The following TSHZ2 variants were observed in gnomAD, a reference collection of about 807,000 sequenced individuals.
TSHZ2 encodes teashirt zinc finger homeobox 2.
Under a neutral mutation model 74.4 loss-of-function variants are expected in TSHZ2, and 21 were observed. That is an observed-to-expected ratio of 0.28 (90% CI 0.20 to 0.41). The LOEUF (loss-of-function observed/expected upper bound fraction) is 0.41. Ranked by LOEUF, TSHZ2 falls within the 10% of genes least tolerant of loss-of-function variation. The pLI is 1.00. For missense variants in TSHZ2, 1,244 were observed against 1,293.5 expected, an observed-to-expected ratio of 0.96 and a Z score of 0.59; for synonymous variants, 540 against 515.3, an observed-to-expected ratio of 1.05 and a Z score of -0.65.
At chr20:53,299,269 A>T (rs551941593) in intron 2 of TSHZ2, among the ~76,000 whole-genome samples, 2 of 152,372 alleles carry the variant, frequency 1.3e-5, no homozygotes, top group South Asian at 2.1e-4. Context: ...TGGATAATTC[A>T]TCAATTAGTT....
At chr20:53,035,179 A>C (rs1367804609) in intron 1 of TSHZ2, among the ~76,000 whole-genome samples, 2 of 152,134 alleles carry the variant, frequency 1.3e-5, no homozygotes, top group Non-Finnish European at 2.9e-5. Flanking sequence ...CTCAAGTTGC[A>C]TTTCTTATTC....
chr20:53,048,270 C>T (rs1436684906), intron 1 of TSHZ2, among the ~76,000 whole-genome samples: 1 of 152,082 alleles, frequency 6.6e-6, no homozygotes, highest in Non-Finnish European at 1.5e-5. Context: ...TCATAAGTTA[C>T]AAATTCCTCC....
chr20:53,358,209 GA>G (rs1568883428), intron 2 of TSHZ2, among the ~76,000 whole-genome samples: 1 of 149,854 alleles, frequency 6.7e-6, no homozygotes, highest in Non-Finnish European at 1.5e-5. Context: ...TTTATGGGGG[GA>G]AGCAAAAAAA....
chr20:53,005,766 C>T (rs1371282027), intron 1 of TSHZ2, among the ~76,000 whole-genome samples: 1 of 152,192 alleles, frequency 6.6e-6, no homozygotes, highest in African/African-American at 2.4e-5. Flanking sequence ...TGGTTATTCT[C>T]TGGCTAGATT....
At chr20:53,053,445 G>A (rs1984541601) in intron 1 of TSHZ2, among the ~76,000 whole-genome samples, 1 of 152,090 alleles carries the variant, frequency 6.6e-6, no homozygotes, top group Admixed American at 6.5e-5. Flanking sequence ...TCTGTGAAAA[G>A]GTAGCCAAGA....
At chr20:53,203,190 AAT>A (rs1009340146) in intron 1 of TSHZ2, among the ~76,000 whole-genome samples, 5 of 142,826 alleles carry the variant, frequency 3.5e-5, no homozygotes, top group African/African-American at 1.4e-4. Context: ...AGCAGACTCA[AAT>A]TTTTTTTTTT....
intron 2 of TSHZ2, among the ~76,000 whole-genome samples, chr20:53,464,319 C>T (rs1319523059): frequency 6.6e-6 from 1 of 152,112 alleles, no homozygotes; most frequent in Non-Finnish European, 1.5e-5. Context: ...TCATCTGGAT[C>T]CCAGGAGAAG....
chr20:53,134,587 A>G (rs978445337), intron 1 of TSHZ2, among the ~76,000 whole-genome samples: 24 of 152,182 alleles, frequency 1.6e-4, no homozygotes, highest in African/African-American at 5.3e-4. Flanking sequence ...AAGGAGATGC[A>G]TCCTCTATGT....
chr20:53,023,849 G>A (rs760210556), intron 1 of TSHZ2, among the ~76,000 whole-genome samples: 1 of 152,116 alleles, frequency 6.6e-6, no homozygotes, highest in Non-Finnish European at 1.5e-5. Flanking sequence ...CCACTGAAAC[G>A]CAGCACACCA....
At chr20:52,996,295 T>C (rs1982184900) in intron 1 of TSHZ2, among the ~76,000 whole-genome samples, 2 of 150,762 alleles carry the variant, frequency 1.3e-5, no homozygotes, top group African/African-American at 2.4e-5. Context: ...CTTCTCAACT[T>C]TCCTTTCAGG....
chr20:53,302,198 T>C (rs2145482921), intron 2 of TSHZ2, among the ~76,000 whole-genome samples: 1 of 152,266 alleles, frequency 6.6e-6, no homozygotes, highest in African/African-American at 2.4e-5. Flanking sequence ...TTTCTTCAAT[T>C]TGTCAACATC....
intron 1 of TSHZ2, among the ~76,000 whole-genome samples, chr20:53,095,091 T>C (rs1346724198): frequency 6.6e-6 from 1 of 152,198 alleles, no homozygotes; most frequent in African/African-American, 2.4e-5. Flanking sequence ...ATTTGCTGGC[T>C]CACGCAACTC....
chr20:53,073,488 A>T (rs1014312501), intron 1 of TSHZ2, among the ~76,000 whole-genome samples: 1 of 152,192 alleles, frequency 6.6e-6, no homozygotes, highest in Non-Finnish European at 1.5e-5. Context: ...ACACATATGG[A>T]TAGAGACACA....
intron 2 of TSHZ2, among the ~76,000 whole-genome samples, chr20:53,390,117 A>G (rs1982198180): frequency 6.6e-6 from 1 of 152,218 alleles, no homozygotes. Flanking sequence ...AAATGTGCGC[A>G]TTTTCAATTC....
intron 1 of TSHZ2, among the ~76,000 whole-genome samples, chr20:53,126,816 G>T (rs1986959812): frequency 6.6e-6 from 1 of 151,108 alleles, no homozygotes. Context: ...TCTGAACAAG[G>T]CTTTCCGGAT....
At chr20:53,314,591 C>T (rs988029452) in intron 2 of TSHZ2, among the ~76,000 whole-genome samples, 10 of 150,942 alleles carry the variant, frequency 6.6e-5, no homozygotes, top group South Asian at 2.1e-4. Context: ...AATCTCCTTA[C>T]GAACAGTCTT....
At chr20:53,129,778 T>C (rs865840821) in intron 1 of TSHZ2, among the ~76,000 whole-genome samples, 1 of 152,050 alleles carries the variant, frequency 6.6e-6, no homozygotes, top group African/African-American at 2.4e-5. Context: ...CGTGCCTTGC[T>C]TAACCTTCGG....
chr20:53,275,887 A>G (rs577108632), intron 2 of TSHZ2, among the ~76,000 whole-genome samples: 2 of 152,338 alleles, frequency 1.3e-5, no homozygotes, highest in East Asian at 1.9e-4. Flanking sequence ...AGATCGCACC[A>G]TTGCACTGCA....
At chr20:52,990,822 A>G (rs763723791) in intron 1 of TSHZ2, among the ~76,000 whole-genome samples, 22 of 152,202 alleles carry the variant, frequency 1.4e-4, no homozygotes, top group Non-Finnish European at 3.2e-4. Flanking sequence ...GTGGTACAAT[A>G]TGCTTTTCCT....
Sources: gnomAD v4.1 joint callset for allele counts (sites outside exome capture counted in the v4.1 genomes callset) on GRCh38, gnomAD v4.1.1 for gene constraint, MANE v1.5 for transcripts, NCBI Gene and HGNC (gene_info 2026-07-23, HGNC 2026-07-21) for gene names.